SLC39A6: variants seen among roughly 807,000 people sequenced by gnomAD.
The protein encoded by SLC39A6 is solute carrier family 39 member 6.
SLC39A6 carries 51 observed loss-of-function variants against 63.5 expected under a neutral mutation model. That is an observed-to-expected ratio of 0.80 (90% CI 0.64 to 1.01). The LOEUF is 1.01. Among genes scored for constraint, SLC39A6 ranks in the 50% least tolerant of loss-of-function variants. The probability of loss-of-function intolerance (pLI) is 0.00; values close to 1 mark genes in which losing one functional copy is unlikely to be tolerated. For synonymous variants in SLC39A6, 318 were observed against 324.7 expected, an observed-to-expected ratio of 0.98 and a Z score of 0.22; for missense variants, 805 against 927.8, an observed-to-expected ratio of 0.87 and a Z score of 1.72.
intron 5 of SLC39A6, among the ~76,000 whole-genome samples, chr18:36,120,387 T>C (rs2089382914): frequency 6.6e-6 from 1 of 152,240 alleles, no homozygotes; most frequent in African/African-American, 2.4e-5. Flanking sequence ...ATTCTTATTT[T>C]ACTTCTTCCC....
Position 36,112,583 on chromosome 18 carries a change from T to G in SLC39A6, c.1844-2A>C. 6.2e-7 allele frequency: 1 copy of G among 1,611,368 alleles called. No homozygotes were observed. The highest frequency in any genetic ancestry group is 8.5e-7 in the Non-Finnish European group (1 of 1,178,018). Reference sequence around the variant, plus strand: ...ATAAGCCTTCAGTAAAAGCAGCACCTGTGTAAAAATCAATCAGAAAAAGTT... The same window carrying G: ...ATAAGCCTTCAGTAAAAGCAGCACCGGTGTAAAAATCAATCAGAAAAAGTT... On this transcript the variant is annotated splice_acceptor_variant, in intron 7 of 9. Coordinates refer to ENST00000269187, the MANE Select transcript of SLC39A6 (RefSeq NM_012319.4). LOFTEE classifies it high-confidence loss of function.
Position 36,109,505 on chromosome 18 carries a change from G to A in SLC39A6, c.*88C>T, listed in dbSNP as rs2089284029. The stretch of plus-strand genomic sequence containing the variant: ...ATCACAAAACCCACTAACTTTAAAC[G>A]CTGCATAGTACAGCATACAAACTCA... On this transcript the variant is annotated 3_prime_UTR_variant, in exon 10 of 10. Transcript: ENST00000269187. 5 of 971,426 alleles carry A rather than the reference G, an allele frequency of 5.1e-6. No individual in the cohort carries two copies. Among genetic ancestry groups the A allele is most frequent in the East Asian group, 2.6e-5 (1 of 38,554 alleles). The allele number at this position is 971,426 out of a possible 1,614,324, so 60.2% of individuals were successfully genotyped here. A position where few individuals can be genotyped will look rare whatever the true frequency, so the allele number is the denominator to read the frequency against.
At chr18:36,112,176 G>C (rs1476719401) in intron 8 of SLC39A6, among the ~76,000 whole-genome samples, 2 of 152,192 alleles carry the variant, frequency 1.3e-5, no homozygotes, top group Admixed American at 6.5e-5. Flanking sequence ...ACAAGGACGT[G>C]AACTGGGATC....
At chr18:36,114,812 CATGTT>C (rs1352412974) in intron 6 of SLC39A6, among the ~76,000 whole-genome samples, 8 of 151,996 alleles carry the variant, frequency 5.3e-5, no homozygotes, top group Non-Finnish European at 7.4e-5. Context: ...TTTTAGAAAA[CATGTT>C]ATGTTATTTA....
Position 36,123,619 on chromosome 18 carries a change from G to A in SLC39A6, c.1016C>T (p.Ser339Phe). The change falls in exon 4 of 10, where the codon TCT becomes TTT. Residue 339 changes from serine (S) to phenylalanine (F), a missense_variant. Ser to Phe is a radical substitution (Grantham distance 155). Around this residue, in one of 4 missense-constraint regions of SLC39A6, gnomAD observed 639 missense variants for 644.0 expected, o/e 0.99. Transcript: ENST00000269187. The stretch of plus-strand genomic sequence containing the variant: ...AGGCACTAAGATAACCCCCAGCAGA[G>A]ACAGGAAACTGATGATGGAAATGGC... ...FIAISIISFLSLLGVILVPLM... is the reference protein window; with the variant it reads ...FIAISIISFLFLLGVILVPLM... 1 of 1,611,604 alleles carries A rather than the reference G, an allele frequency of 6.2e-7. No homozygotes were observed. The highest frequency in any genetic ancestry group is 1.3e-5 in the African/African-American group (1 of 74,758).
Position 36,126,926 on chromosome 18 carries a change from C to A in SLC39A6, c.82G>T (p.Ala28Ser). Residue 28 changes from alanine (A) to serine (S), a missense_variant, in exon 2 of 10, where the codon GCT becomes TCT. Physicochemically the swap from Ala to Ser is moderately conservative, Grantham distance 99. Transcript: ENST00000269187. ...TNPLHELKAA[A>S]FPQTTEKISP... ...ATTTTCTCAGTGGTCTGGGGGAAAG[C>A]AGCTGCTTTTAGTTCATGAAGGGGA... is the stretch of plus-strand genomic sequence containing the variant. 1.9e-6 allele frequency: 3 copies of A among 1,614,170 alleles called. No individual in the cohort carries two copies. The highest frequency in any genetic ancestry group is 2.5e-6 in the Non-Finnish European group (3 of 1,180,032).
At chr18:36,111,449 T>C (rs140450530) in intron 8 of SLC39A6, among the ~76,000 whole-genome samples, 200 bp from the exon 9 acceptor site, 11 of 152,246 alleles carry the variant, frequency 7.2e-5, no homozygotes, top group Middle Eastern at 3.4e-3. Context: ...TTTTCCTTTT[T>C]ATTCTTCATC....
At position 36,128,808 on chromosome 18, in the gene SLC39A6, C is replaced by T. The variant is rs1007427549; in HGVS notation, c.-10+306G>A. ...AAAACGGAAAAGAGGGCACAAAGCT[C>T]TCTTCTAAAAGCTTTTTATTTCTAA... On this transcript the variant is annotated intron_variant, in intron 1 of 9. Transcript: ENST00000269187. Among the ~76,000 whole-genome samples, 4 of 152,178 alleles carry T rather than the reference C, an allele frequency of 2.6e-5. No individual in the cohort carries two copies. In the East Asian group the frequency reaches 5.8e-4, roughly 22 times the overall value.
At position 36,124,708 on chromosome 18, in the gene SLC39A6, A is replaced by G. The variant is rs772705708; in HGVS notation, c.790-8T>C. ...CTTTGATGCATTGAAACACTGAAAG[A>G]AACAAAGCAGTGAAAATCACCAAAA... On this transcript the variant is annotated splice_polypyrimidine_tract_variant and splice_region_variant and intron_variant, in intron 2 of 9. Transcript: ENST00000269187. 1.3e-6 allele frequency: 2 copies of G among 1,526,462 alleles called. No homozygotes were observed. The highest frequency in any genetic ancestry group is 4.6e-5 in the East Asian group (2 of 43,648). The allele number at this position is 1,526,462 out of a possible 1,614,324, so 94.6% of individuals were successfully genotyped here.
chr18:36,124,409 T>C (rs1198405863), intron 3 of SLC39A6, 111 bp downstream of exon 3: 1 of 605,980 alleles, frequency 1.7e-6, no homozygotes, highest in East Asian at 2.8e-5. Context: ...ACAACTAAGA[T>C]GACATATTCA....
chr18:36,120,327 C>T (rs529414111), intron 5 of SLC39A6, among the ~76,000 whole-genome samples: 12 of 151,852 alleles, frequency 7.9e-5, no homozygotes, highest in African/African-American at 1.2e-4. Context: ...GAAGCAATTG[C>T]GTCAATGGGA....
chr18:36,111,029 A>G (rs778790087), intron 9 of SLC39A6, 30 bp downstream of exon 9: 24 of 1,610,776 alleles, frequency 1.5e-5, no homozygotes, highest in Non-Finnish European at 2.0e-5. Flanking sequence ...TTGTTGGTCA[A>G]TAATGTAATA....
intron 2 of SLC39A6, 74 bp from the exon 3 acceptor site, chr18:36,124,774 T>C: frequency 8.7e-7 from 1 of 1,145,824 alleles, no homozygotes; most frequent in African/African-American, 1.5e-5. Context: ...AATACCCTTT[T>C]TTACTAATGC....
chr18:36,125,924 T>C (rs576790530), intron 2 of SLC39A6, among the ~76,000 whole-genome samples: 6 of 152,354 alleles, frequency 3.9e-5, no homozygotes, highest in Admixed American at 1.3e-4. Context: ...TTATAGACTT[T>C]CTCTAAAGAT....
Position 36,109,554 on chromosome 18 carries a change from A to G in SLC39A6, c.*39T>C, listed in dbSNP as rs763138085. On this transcript the variant is annotated 3_prime_UTR_variant, in exon 10 of 10. Transcript: ENST00000269187. ...CATCTCCCTATGACCTACTGAAACT[A>G]TGACAACTTTTTAAGCTACTCTAGC... 4.5e-6 allele frequency: 7 copies of G among 1,540,916 alleles called. No individual in the cohort carries two copies. In the South Asian group the frequency reaches 8.0e-5, roughly 18 times the overall value.
rs2089325332 is a variant in SLC39A6 at position 36,114,294 on chromosome 18, C to A, written c.1646G>T (p.Gly549Val). The A allele has an allele frequency of 6.2e-7, 1 of 1,614,116 alleles. No homozygotes were observed. Among genetic ancestry groups the A allele is most frequent in the Non-Finnish European group, 8.5e-7 (1 of 1,180,026 alleles). The change falls in exon 7 of 10, where the codon GGC (glycine) becomes GTC (valine). Residue 549 changes from glycine (G) to valine (V), a missense_variant. Physicochemically the swap from Gly to Val is moderately radical, Grantham distance 109. Coordinates refer to ENST00000269187, the MANE Select transcript of SLC39A6 (RefSeq NM_012319.4). ...GTGGTGAATGAGATCGTCTGACTGG[C>A]CGAGTGTATCGTGGAAATGTGAATG... The part of the protein sequence containing the change: ...KCHSHFHDTL[G>V]QSDDLIHHHH...
Position 36,114,435 on chromosome 18 carries a change from G to T in SLC39A6, c.1505C>A (p.Ser502Tyr), listed in dbSNP as rs1168042892. Reference sequence around the variant, plus strand: ...TGCAGGCTGCTGAGAATCAAAGTGGGAGGGCTCTTGTGAGTCTGCTCGTAA... The same window carrying T: ...TGCAGGCTGCTGAGAATCAAAGTGGTAGGGCTCTTGTGAGTCTGCTCGTAA... ...GYLRADSQEP[S>Y]HFDSQQPAVL... Residue 502 changes from serine to tyrosine, a missense_variant, in exon 7 of 10, where the codon TCC (serine) becomes TAC (tyrosine). Physicochemically the swap from Ser to Tyr is moderately radical, Grantham distance 144. This residue lies in a region of SLC39A6 where 639 missense variants were observed against 644.0 expected (regional missense o/e 0.99). Coordinates refer to ENST00000269187, the MANE Select transcript of SLC39A6 (RefSeq NM_012319.4). 6.2e-7 allele frequency: 1 copy of T among 1,613,862 alleles called. No individual in the cohort carries two copies. The highest frequency in any genetic ancestry group is 1.1e-5 in the South Asian group (1 of 91,076).
intron 5 of SLC39A6, among the ~76,000 whole-genome samples, chr18:36,117,749 C>T (rs1013095462): frequency 2.0e-5 from 3 of 152,128 alleles, no homozygotes; most frequent in South Asian, 2.1e-4. Flanking sequence ...AAGGCAAACA[C>T]GGCCGGGCAT....
chr18:36,113,356 C>T (rs1823149588), intron 7 of SLC39A6, among the ~76,000 whole-genome samples: 1 of 152,056 alleles, frequency 6.6e-6, no homozygotes, highest in African/African-American at 2.4e-5. Flanking sequence ...GCCTTGGCCA[C>T]CCAAAGTGCT....
Sources: gnomAD v4.1 joint callset for allele counts (sites outside exome capture counted in the v4.1 genomes callset) on GRCh38, gnomAD v4.1.1 for gene constraint, gnomAD v4.1.1 regional missense constraint, MANE v1.5 for transcripts, NCBI Gene and HGNC (gene_info 2026-07-23, HGNC 2026-07-21) for gene names.